The following JAK2 variants were observed in gnomAD, a reference collection of about 807,000 sequenced individuals.
JAK2 encodes Janus kinase 2.
A neutral mutation model predicts 139.3 loss-of-function variants in JAK2; 86 were observed. The ratio of observed to expected loss-of-function variants is 0.62; its 90% CI spans 0.52 to 0.74. JAK2 has a LOEUF of 0.74. JAK2 is among the 30% of genes least tolerant of loss of function. The pLI is 0.00. For missense variants in JAK2, 1,421 were observed against 1,360.3 expected (o/e 1.04, Z -0.70); for synonymous variants, 490 against 437.7 (o/e 1.12, Z -1.49).
chr9:5,111,983 C>A (rs529388990), intron 22 of JAK2: 3 of 365,498 alleles, frequency 8.2e-6, no homozygotes, highest in East Asian at 7.7e-5. Context: ...TGGGCTCCCC[C>A]CAGGGCCTGG....
chr9:5,090,772 C>G lies in JAK2; in HGVS notation c.2920C>G (p.His974Asp). 6.2e-7 allele frequency: 1 copy of G among 1,611,692 alleles called. No homozygotes were observed. Among genetic ancestry groups the G allele is most frequent in the Non-Finnish European group, 8.5e-7 (1 of 1,179,278 alleles). Residue 974 changes from histidine to aspartate, a missense_variant, in exon 22 of 25, where the codon CAC (histidine) becomes GAC (aspartate). Coordinates refer to ENST00000381652, the MANE Select transcript of JAK2 (RefSeq NM_004972.4). ...MEYLGTKRYI[H>D]RDLATRNILV... ...GTATCTTGGTACAAAAAGGTATATC[C>G]ACAGGGATCTGGCAACGAGAAATAT...
At chr9:5,029,006 C>T (rs946460030) in intron 3 of JAK2, among the ~76,000 whole-genome samples, 1 of 152,168 alleles carries the variant, frequency 6.6e-6, no homozygotes, top group Non-Finnish European at 1.5e-5. Flanking sequence ...TCTTTGCATT[C>T]AGAACTTGAT....
intron 2 of JAK2, among the ~76,000 whole-genome samples, chr9:5,004,434 G>A (rs1821137209): frequency 1.3e-5 from 2 of 152,132 alleles, no homozygotes; most frequent in South Asian, 4.2e-4. Context: ...ATGTCTTCCA[G>A]GTTCATCCAT....
chr9:5,079,390 G>A (rs1233990476), intron 16 of JAK2, among the ~76,000 whole-genome samples: 2 of 152,054 alleles, frequency 1.3e-5, no homozygotes, highest in African/African-American at 2.4e-5. Context: ...AACTTTACTT[G>A]AGAAATTCCG....
intron 8 of JAK2, among the ~76,000 whole-genome samples, chr9:5,056,546 T>C (rs905709085): frequency 3.3e-5 from 5 of 152,148 alleles, no homozygotes; most frequent in Non-Finnish European, 5.9e-5. Context: ...CATAGTTTTC[T>C]GTTCTTAGAT....
In JAK2 at chr9:5,122,985, G is replaced by A. The variant is rs1823729721; in HGVS notation, c.3060-19G>A. Reference sequence around the variant, plus strand: ...CATATCAAGTAACTGTCTTTTAAATGTTATTCATATATTTACAGGTATGCT... The same window carrying A: ...CATATCAAGTAACTGTCTTTTAAATATTATTCATATATTTACAGGTATGCT... On this transcript the variant is annotated intron_variant, in intron 22 of 24. Transcript: ENST00000381652. The A allele has an allele frequency of 1.3e-6, 2 of 1,498,030 alleles. No homozygotes were observed. Among genetic ancestry groups the A allele is most frequent in the Admixed American group, 1.8e-5 (1 of 55,174 alleles). The allele number at this position is 1,498,030 out of a possible 1,614,324, so 92.8% of individuals were successfully genotyped here.
intron 3 of JAK2, among the ~76,000 whole-genome samples, chr9:5,029,204 T>C (rs1025763131): frequency 1.3e-5 from 2 of 152,168 alleles, no homozygotes; most frequent in Admixed American, 6.5e-5. Flanking sequence ...AATTTCCATA[T>C]TGTTGTGTCT....
intron 2 of JAK2, among the ~76,000 whole-genome samples, chr9:5,021,730 AT>A (rs1200679239): frequency 6.6e-6 from 1 of 152,106 alleles, no homozygotes; most frequent in Admixed American, 6.5e-5. Context: ...GGTTCAAGCA[AT>A]TCTTCCGCTC....
Position 5,065,006 on chromosome 9 carries a change from GA to G in JAK2, c.1184del (p.Asn395IlefsTer19). On this transcript the variant is annotated frameshift_variant, in exon 9 of 25. Transcript: ENST00000381652. LOFTEE classifies it high-confidence loss of function. ...AGAAGTAGCACCTCCAGCCGTGCTT[GA>G]AAATATACAAAGCAACTGTCATGGC... is the stretch of plus-strand genomic sequence containing the variant. ...CKEVAPPAVL[E>X]NIQSNCHGPI... 6.2e-7 allele frequency: 1 copy of G among 1,604,708 alleles called. No individual in the cohort carries two copies. The highest frequency in any genetic ancestry group is 1.7e-5 in the Admixed American group (1 of 58,590).
At chr9:5,079,833 T>A (rs1370898011) in intron 16 of JAK2, among the ~76,000 whole-genome samples, 2 of 152,048 alleles carry the variant, frequency 1.3e-5, no homozygotes, top group Non-Finnish European at 2.9e-5. Context: ...AAAAAATTTT[T>A]TTTTTTTGAA....
intron 8 of JAK2, among the ~76,000 whole-genome samples, chr9:5,059,578 C>CTAGAGATAGGAT (rs1818014165): frequency 6.6e-6 from 1 of 151,864 alleles, no homozygotes; most frequent in African/African-American, 2.4e-5. Context: ...TATATATATC[C>CTAGAGATAGGAT]TAGAGATAGG....
rs1822752998 is a variant in JAK2, at chr9:5,112,877, C to A, written c.3060-10127C>A. 1.2e-5 allele frequency: 5 copies of A among 420,094 alleles called. No homozygotes were observed. The South Asian group carries it at 2.3e-4, about 19-fold the overall frequency. The allele number at this position is 420,094 out of a possible 1,614,324, so 26.0% of individuals were successfully genotyped here. A position where few individuals can be genotyped will look rare whatever the true frequency, so the allele number is the denominator to read the frequency against. On this transcript the variant is annotated intron_variant, in intron 22 of 24. Coordinates refer to ENST00000381652, the MANE Select transcript of JAK2 (RefSeq NM_004972.4). ...GGTACGCCTCCGTGGGACGAGCCAC[C>A]CGCCCTCAGCCCCGTGGGCTGGGCC... is the stretch of plus-strand genomic sequence containing the variant.
chr9:5,006,875 T>C (rs1821341829), intron 2 of JAK2, among the ~76,000 whole-genome samples: 1 of 152,216 alleles, frequency 6.6e-6, no homozygotes, highest in African/African-American at 2.4e-5. Context: ...TTGTGCTAGT[T>C]TAGGTAAATT....
At chr9:5,112,678 G>T in intron 22 of JAK2, 1 of 938,516 alleles carries the variant, frequency 1.1e-6, no homozygotes, top group Non-Finnish European at 1.5e-6. Context: ...AGGCCGTCTC[G>T]GTCATCCTGA....
At chr9:5,094,464 C>A (rs762607564) in intron 22 of JAK2, 5 of 152,220 alleles carry the variant, frequency 3.3e-5, no homozygotes, top group African/African-American at 4.8e-5. Flanking sequence ...ATGTACTGAT[C>A]GGCACACTAC....
chr9:5,044,314 T>G (rs543703647), intron 4 of JAK2, 89 bp from the exon 5 acceptor site: 2 of 789,922 alleles, frequency 2.5e-6, no homozygotes, highest in South Asian at 3.0e-5. Context: ...GGATAATACC[T>G]TTCAGTATGC....
chr9:5,084,562 T>A (rs1224947171), intron 19 of JAK2, among the ~76,000 whole-genome samples: 1 of 152,178 alleles, frequency 6.6e-6, no homozygotes, highest in Non-Finnish European at 1.5e-5. Context: ...AAAAATATTT[T>A]CATACTGTTG....
At chr9:5,016,321 A>G (rs550722674) in intron 2 of JAK2, among the ~76,000 whole-genome samples, 82 of 152,210 alleles carry the variant, frequency 5.4e-4, no homozygotes, top group Non-Finnish European at 6.3e-4. Context: ...ACCTGGTTCT[A>G]TATATGGATA....
At chr9:5,089,884 T>C in intron 20 of JAK2, 21 bp downstream of exon 20, 1 of 1,429,158 alleles carries the variant, frequency 7.0e-7, no homozygotes, top group Non-Finnish European at 9.2e-7. Flanking sequence ...CATTGAAACC[T>C]ATTTTAAATT....
Sources: gnomAD v4.1 joint callset for allele counts (sites outside exome capture counted in the v4.1 genomes callset) on GRCh38, gnomAD v4.1.1 for gene constraint, MANE v1.5 for transcripts, NCBI Gene and HGNC (gene_info 2026-07-23, HGNC 2026-07-21) for gene names.